NUDT22: variants seen among roughly 807,000 people sequenced by gnomAD.
The protein encoded by NUDT22 is uridine diphosphate glucose pyrophosphatase NUDT22.
Under a neutral mutation model 28.8 loss-of-function variants are expected in NUDT22, and 23 were observed. The ratio of observed to expected loss-of-function variants is 0.80; its 90% CI spans 0.58 to 1.13. NUDT22 has a LOEUF of 1.13. Ranked by LOEUF, NUDT22 falls within the 50% of genes most tolerant of loss-of-function variation. The probability of loss-of-function intolerance (pLI) is 0.00; values close to 1 mark genes in which losing one functional copy is unlikely to be tolerated. For synonymous variants in NUDT22, 175 were observed against 173.7 expected (o/e 1.01, Z -0.06); for missense variants, 358 against 387.3 (o/e 0.92, Z 0.64).
At position 64,226,984 on chromosome 11, in the gene NUDT22, G is replaced by T; in HGVS notation, c.332G>T (p.Gly111Val). Reference sequence around the variant, plus strand: ...CGACAGCAGGGTGCCACCGACTGGGGTGACACGCAGGCCTATCTGGCGGAC... The same window carrying T: ...CGACAGCAGGGTGCCACCGACTGGGTTGACACGCAGGCCTATCTGGCGGAC... ...WLRQQGATDW[G>V]DTQAYLADPL... Residue 111 changes from glycine (G) to valine (V), a missense_variant, in exon 2 of 6, where the codon GGT becomes GTT. Physicochemically the swap from Gly to Val is moderately radical, Grantham distance 109 (BLOSUM62 -3). Coordinates refer to ENST00000279206, the MANE Select transcript of NUDT22 (RefSeq NM_032344.4). 2 of 1,603,050 alleles carry T rather than the reference G, an allele frequency of 1.2e-6. No homozygotes were observed. The highest frequency in any genetic ancestry group is 1.7e-6 in the Non-Finnish European group (2 of 1,179,914).
intron 1 of NUDT22, 92 bp from the exon 2 acceptor site, chr11:64,226,543 C>G: frequency 6.7e-7 from 1 of 1,497,640 alleles, no homozygotes; most frequent in Non-Finnish European, 8.8e-7. Flanking sequence ...TGCGGATACC[C>G]TCAGGAGGTC....
intron 3 of NUDT22, chr11:64,227,931 A>G: frequency 2.5e-6 from 1 of 400,796 alleles, no homozygotes; most frequent in Non-Finnish European, 4.6e-6. Flanking sequence ...ATGCAGTGGC[A>G]CGATCTCTGC....
intron 2 of NUDT22, 157 bp from the exon 3 acceptor site, chr11:64,227,411 G>C (rs1947065667): frequency 1.4e-6 from 1 of 739,314 alleles, no homozygotes; most frequent in Non-Finnish European, 2.4e-6. Flanking sequence ...CTGGACCTCT[G>C]GTTGTCTGTC....
At chr11:64,230,209 G>C (rs1200485478), downstream of NUDT22, 1 of 690,728 alleles carries the variant, frequency 1.4e-6, no homozygotes, top group Non-Finnish European at 2.6e-6. Context: ...AAGCAGCTCC[G>C]TAAGATATAC....
At chr11:64,229,451 C>G (rs769933174) in intron 4 of NUDT22, 27 bp from the exon 5 acceptor site, 1 of 1,612,596 alleles carries the variant, frequency 6.2e-7, no homozygotes, top group South Asian at 1.1e-5. Flanking sequence ...TGGTCACCCA[C>G]TAAGCCACCC....
chr11:64,226,965 C>T lies in NUDT22; in HGVS notation c.313C>T (p.Gln105Ter), dbSNP rs766798389. 2 of 1,602,726 alleles carry T rather than the reference C, an allele frequency of 1.2e-6. No homozygotes were observed. Among genetic ancestry groups the T allele is most frequent in the East Asian group, 2.2e-5 (1 of 44,880 alleles). ...WSSSAAWLRQ[Q>*]GATDWGDTQA... is the part of the protein sequence containing the mutation. Reference sequence around the variant, plus strand: ...CAGCTCAGCTGCCTGGCTGCGACAGCAGGGTGCCACCGACTGGGGTGACAC... The same window carrying T: ...CAGCTCAGCTGCCTGGCTGCGACAGTAGGGTGCCACCGACTGGGGTGACAC... The change falls in exon 2 of 6, where the codon CAG becomes TAG. Residue 105 changes from glutamine to a stop codon, truncating the protein, a stop_gained. Coordinates refer to ENST00000279206, the MANE Select transcript of NUDT22 (RefSeq NM_032344.4). LOFTEE classifies it high-confidence loss of function.
intron 3 of NUDT22, 182 bp from the exon 4 acceptor site, chr11:64,229,065 G>A: frequency 1.8e-6 from 1 of 569,806 alleles, no homozygotes; most frequent in East Asian, 2.9e-5. Flanking sequence ...CAATCTCTCT[G>A]GTTTTGGTGT....
rs1332621757 is a variant in NUDT22 at position 64,226,353 on chromosome 11, C to T, written c.-93C>T. 8.1e-7 allele frequency: 1 copy of T among 1,234,442 alleles called. No homozygotes were observed. Among genetic ancestry groups the T allele is most frequent in the Non-Finnish European group, 1.0e-6 (1 of 986,976 alleles). The allele number at this position is 1,234,442 out of a possible 1,614,324, so 76.5% of individuals were successfully genotyped here. A position where few individuals can be genotyped will look rare whatever the true frequency, so the allele number is the denominator to read the frequency against. On this transcript the variant is annotated 5_prime_UTR_variant, in exon 1 of 6. Coordinates refer to ENST00000279206, the MANE Select transcript of NUDT22 (RefSeq NM_032344.4). ...GGCCCTGGAAAGGGGTCCCCGCGCG[C>T]CCCGGGTCGGAGGCAGACCCCTGGG...
intron 3 of NUDT22, among the ~76,000 whole-genome samples, chr11:64,228,080 C>T (rs1383227378): frequency 6.6e-6 from 1 of 151,570 alleles, no homozygotes; most frequent in Non-Finnish European, 1.5e-5. Flanking sequence ...ACCTTGTTAG[C>T]CAGGATGGTC....
chr11:64,227,568 G>C lies in NUDT22; in HGVS notation c.481G>C (p.Ala161Pro). ...AGGGGCTGAGCCTGACCTCTCACAG[G>C]CCCTGTGCCCTGGTGGCAGCCCCCA... ...DVPGGHPEPQ[A>P]LCPGGSPQHQ... Residue 161 changes from alanine (A) to proline (P), a missense_variant and splice_region_variant, in exon 3 of 6, where the codon GCC (alanine) becomes CCC (proline). Transcript: ENST00000279206. The C allele has an allele frequency of 6.2e-7, 1 of 1,613,040 alleles. No homozygotes were observed. The highest frequency in any genetic ancestry group is 8.5e-7 in the Non-Finnish European group (1 of 1,179,448).
rs1247250043 is a variant in NUDT22 at position 64,226,547 on chromosome 11, G to A, written c.-18-88G>A. The A allele has an allele frequency of 2.0e-6, 3 of 1,498,570 alleles. No homozygotes were observed. In the African/African-American group the frequency reaches 4.2e-5, roughly 21 times the overall value. The allele number at this position is 1,498,570 out of a possible 1,614,324, so 92.8% of individuals were successfully genotyped here. On this transcript the variant is annotated intron_variant, in intron 1 of 5. Transcript: ENST00000279206. Reference sequence around the variant, plus strand: ...TGGAGAAGCGCTGCGGATACCCTCAGGAGGTCTGCGACAGAGGGGGCTAGC... The same window carrying A: ...TGGAGAAGCGCTGCGGATACCCTCAAGAGGTCTGCGACAGAGGGGGCTAGC...
intron 1 of NUDT22, 51 bp downstream of exon 1, chr11:64,226,478 G>A (rs978205838): frequency 2.1e-6 from 3 of 1,423,152 alleles, no homozygotes; most frequent in Admixed American, 3.1e-5. Flanking sequence ...GGGCTCCTGC[G>A]GGGAAGATGG....
In NUDT22 at chr11:64,226,392, G is replaced by A. The variant is rs1358067958; in HGVS notation, c.-54G>A. On this transcript the variant is annotated 5_prime_UTR_variant, in exon 1 of 6. Coordinates refer to ENST00000279206, the MANE Select transcript of NUDT22 (RefSeq NM_032344.4). ...CAGACCCCTGGGTTTGGGGGACATG[G>A]GCATTTGGGGCGCCTGAACCCAAGA... The A allele has an allele frequency of 4.6e-6, 6 of 1,308,214 alleles. No homozygotes were observed. Among genetic ancestry groups the A allele is most frequent in the African/African-American group, 3.1e-5 (2 of 65,566 alleles). 81.0% of individuals were successfully genotyped at this position (1,308,214 alleles called of 1,614,324 possible).
rs1947073865 is a variant in NUDT22, at chr11:64,227,572, T to C, written c.485T>C (p.Leu162Pro). 3 of 1,613,338 alleles carry C rather than the reference T, an allele frequency of 1.9e-6. No individual in the cohort carries two copies. The highest frequency in any genetic ancestry group is 2.2e-5 in the South Asian group (2 of 91,084). ...VPGGHPEPQALCPGGSPQHQD... is the reference protein window; with the variant it reads ...VPGGHPEPQAPCPGGSPQHQD... ...GCTGAGCCTGACCTCTCACAGGCCC[T>C]GTGCCCTGGTGGCAGCCCCCAGCAC... The change falls in exon 3 of 6, where the codon CTG (leucine) becomes CCG (proline). Residue 162 changes from leucine (L) to proline (P), a missense_variant. Leu to Pro is a moderately conservative substitution (Grantham distance 98). Coordinates refer to ENST00000279206, the MANE Select transcript of NUDT22 (RefSeq NM_032344.4).
rs1006200488 is a variant in NUDT22, at chr11:64,229,308, C to A, written c.641C>A (p.Thr214Asn). The A allele has an allele frequency of 6.2e-7, 1 of 1,605,688 alleles. No homozygotes were observed. Among genetic ancestry groups the A allele is most frequent in the South Asian group, 1.1e-5 (1 of 90,142 alleles). ...CTGTTGGGCATCGCCCGAAATGAGA[C>A]CAGTGCTGGCCGAGCCAGTGCCGAG... ...PLLLGIARNE[T>N]SAGRASAEFY... Residue 214 changes from threonine to asparagine, a missense_variant, in exon 4 of 6, where the codon ACC becomes AAC. Physicochemically the swap from Thr to Asn is moderately conservative, Grantham distance 65. Coordinates refer to ENST00000279206, the MANE Select transcript of NUDT22 (RefSeq NM_032344.4).
rs1273862095 is a variant in NUDT22 at position 64,229,937 on chromosome 11, G to A, written c.859G>A (p.Gly287Arg). 4 of 1,613,264 alleles carry A rather than the reference G, an allele frequency of 2.5e-6. No homozygotes were observed. Among genetic ancestry groups the A allele is most frequent in the South Asian group, 1.1e-5 (1 of 91,086 alleles). The change falls in exon 6 of 6, where the codon GGA becomes AGA. Residue 287 changes from glycine (G) to arginine (R), a missense_variant. By Grantham distance (125) the Gly-to-Arg change is moderately radical. Coordinates refer to ENST00000279206, the MANE Select transcript of NUDT22 (RefSeq NM_032344.4). ...GAIILYNRVQGSPTGAALGSP... is the reference protein window; with the variant it reads ...GAIILYNRVQRSPTGAALGSP... ...CATCATCCTCTACAACCGGGTTCAG[G>A]GAAGTCCCACTGGAGCGGCCCTAGG... is the stretch of plus-strand genomic sequence containing the variant.
intron 1 of NUDT22, 33 bp from the exon 2 acceptor site, chr11:64,226,602 C>A (rs1323636209): frequency 7.2e-6 from 11 of 1,524,430 alleles, no homozygotes; most frequent in South Asian, 5.2e-5. Flanking sequence ...AGTGGCCCCC[C>A]TGGATGACAG....
rs767407967 is a variant in NUDT22 at position 64,227,014 on chromosome 11, T to C, written c.362T>C (p.Leu121Pro). 2 of 1,602,562 alleles carry C rather than the reference T, an allele frequency of 1.2e-6. No homozygotes were observed. The highest frequency in any genetic ancestry group is 2.2e-5 in the East Asian group (1 of 44,832). ...ACGCAGGCCTATCTGGCGGACCCACTGGGGGTGGGCGCTGCACTAGCCACA... is the reference window on the plus strand; with the variant it reads ...ACGCAGGCCTATCTGGCGGACCCACCGGGGGTGGGCGCTGCACTAGCCACA... ...GDTQAYLADP[L>P]GVGAALATAD... Residue 121 changes from leucine (L) to proline (P), a missense_variant, in exon 2 of 6, where the codon CTG becomes CCG. Physicochemically the swap from Leu to Pro is moderately conservative, Grantham distance 98. Coordinates refer to ENST00000279206, the MANE Select transcript of NUDT22 (RefSeq NM_032344.4).
intron 2 of NUDT22, chr11:64,227,367 C>T: frequency 1.4e-6 from 1 of 725,842 alleles, no homozygotes; most frequent in South Asian, 1.5e-5. Context: ...AGATGCCCTA[C>T]TCCACCCCTG....
Sources: gnomAD v4.1 joint callset for allele counts (sites outside exome capture counted in the v4.1 genomes callset) on GRCh38, gnomAD v4.1.1 for gene constraint, MANE v1.5 for transcripts, NCBI Gene and HGNC (gene_info 2026-07-23, HGNC 2026-07-21) for gene names.